Variants in DLG2 observed in about 807,000 individuals in gnomAD.
DLG2 encodes discs large MAGUK scaffold protein 2.
DLG2 carries 45 observed loss-of-function variants against 132.5 expected under a neutral mutation model. That is an observed-to-expected ratio of 0.34 (90% CI 0.27 to 0.44). DLG2 has a LOEUF of 0.44. Ranked by LOEUF, DLG2 falls within the 20% of genes least tolerant of loss-of-function variation. DLG2 has a pLI of 1.00. For synonymous variants in DLG2, 424 were observed against 419.6 expected, an observed-to-expected ratio of 1.01 and a Z score of -0.13; for missense variants, 1,045 against 1,196.9, an observed-to-expected ratio of 0.87 and a Z score of 1.87.
At chr11:83,872,668 C>A (rs1450763348) in intron 16 of DLG2, among the ~76,000 whole-genome samples, 1 of 152,058 alleles carries the variant, frequency 6.6e-6, no homozygotes, top group East Asian at 1.9e-4. Context: ...ATTCTTAGGG[C>A]AAATTGCTAA....
intron 12 of DLG2, among the ~76,000 whole-genome samples, chr11:83,971,382 A>T (rs909535345): frequency 1.3e-5 from 2 of 152,166 alleles, no homozygotes; most frequent in Non-Finnish European, 2.9e-5. Flanking sequence ...CATGATGCAG[A>T]CAAAGGAAGG....
At chr11:84,981,227 A>G (rs1354049874) in intron 6 of DLG2, among the ~76,000 whole-genome samples, 1 of 152,250 alleles carries the variant, frequency 6.6e-6, no homozygotes, top group Non-Finnish European at 1.5e-5. Flanking sequence ...TAGAATAAAT[A>G]TATTTTGAGA....
intron 15 of DLG2, among the ~76,000 whole-genome samples, chr11:83,900,169 T>C (rs2073021080): frequency 6.6e-6 from 1 of 152,200 alleles, no homozygotes; most frequent in Non-Finnish European, 1.5e-5. Context: ...CAGCAAAGCA[T>C]TCAACAGGTG....
intron 18 of DLG2, among the ~76,000 whole-genome samples, chr11:83,642,662 T>G (rs1476430570): frequency 6.6e-6 from 1 of 152,204 alleles, no homozygotes; most frequent in East Asian, 1.9e-4. Context: ...TCAGACTTAT[T>G]GCAAAATGGA....
intron 3 of DLG2, among the ~76,000 whole-genome samples, chr11:85,519,835 T>G (rs1292787375): frequency 6.6e-6 from 1 of 152,054 alleles, no homozygotes; most frequent in Non-Finnish European, 1.5e-5. Flanking sequence ...TGAGACCTGA[T>G]GGTTATTATA....
intron 3 of DLG2, among the ~76,000 whole-genome samples, chr11:85,491,190 A>T (rs960082647): frequency 6.6e-6 from 1 of 152,154 alleles, no homozygotes; most frequent in African/African-American, 2.4e-5. Context: ...ATTTCAATAG[A>T]TATAGAAAAG....
chr11:83,541,606 C>A, intron 20 of DLG2, 76 bp downstream of exon 20: 1 of 1,289,274 alleles, frequency 7.8e-7, no homozygotes, highest in South Asian at 1.8e-5. Flanking sequence ...AACAGTTTCT[C>A]CCACCTTCTT....
At chr11:85,535,292 A>G (rs2075506501) in intron 3 of DLG2, among the ~76,000 whole-genome samples, 1 of 152,134 alleles carries the variant, frequency 6.6e-6, no homozygotes. Flanking sequence ...GGTATTATAA[A>G]TATTACAGTA....
chr11:84,486,560 T>C (rs2099151384), intron 7 of DLG2, among the ~76,000 whole-genome samples: 1 of 152,136 alleles, frequency 6.6e-6, no homozygotes, highest in African/African-American at 2.4e-5. Flanking sequence ...GACAAGATGA[T>C]TTCCTTCTAT....
chr11:84,490,419 G>T (rs966770107), intron 7 of DLG2, among the ~76,000 whole-genome samples: 3 of 152,010 alleles, frequency 2.0e-5, no homozygotes, highest in Non-Finnish European at 4.4e-5. Context: ...AAGTACCAAG[G>T]TCTGGACAGC....
At chr11:83,644,692 A>G (rs2067603758) in intron 18 of DLG2, among the ~76,000 whole-genome samples, 1 of 152,128 alleles carries the variant, frequency 6.6e-6, no homozygotes, top group Non-Finnish European at 1.5e-5. Flanking sequence ...TAACAATTTC[A>G]TGCTCAGTTT....
At chr11:85,084,246 T>C (rs2067613637) in intron 6 of DLG2, among the ~76,000 whole-genome samples, 1 of 152,106 alleles carries the variant, frequency 6.6e-6, no homozygotes, top group East Asian at 1.9e-4. Context: ...AGCAATGTTC[T>C]TATGTAGGAA....
rs1016820420 is a variant in DLG2 at position 84,690,502 on chromosome 11, A to G, written c.358-155771T>C. On this transcript the variant is annotated intron_variant, in intron 6 of 27. Transcript: ENST00000376104. ...CACTATGGCCATCCCTCCATCCCTT[A>G]TCCCTTCTCTCATTGAAAACAATGT... Among the ~76,000 whole-genome samples the G allele has an allele frequency of 8.6e-4, 131 of 151,888 alleles. 1 individual carries two copies. Among genetic ancestry groups the G allele is most frequent in the Non-Finnish European group, 4.1e-4 (28 of 67,870 alleles).
chr11:84,093,033 C>CAAA (rs562763060), intron 10 of DLG2, among the ~76,000 whole-genome samples: 3 of 87,600 alleles, frequency 3.4e-5, no homozygotes, highest in African/African-American at 7.5e-5. Context: ...GAGTCTCCGT[C>CAAA]AAAAAAAAAA....
intron 8 of DLG2, among the ~76,000 whole-genome samples, chr11:84,173,730 A>G (rs2095874295): frequency 6.6e-6 from 1 of 152,164 alleles, no homozygotes; most frequent in African/African-American, 2.4e-5. Context: ...CAAAAGTTGA[A>G]CCCAAAATAA....
chr11:85,386,952 T>C (rs902321849), intron 3 of DLG2, among the ~76,000 whole-genome samples: 8 of 151,398 alleles, frequency 5.3e-5, no homozygotes, highest in African/African-American at 2.4e-5. Context: ...TGGAGTGCAA[T>C]GGTGTGCTCT....
rs560298306 is a variant in DLG2, at chr11:85,415,764, T to C, written c.41-130399A>G. 3.3e-5 allele frequency among the ~76,000 whole-genome samples: 5 copies of C among 152,314 alleles called. No homozygotes were observed. The South Asian group carries it at 1.0e-3, about 32-fold the overall frequency. ...TTCTGGATATTAGCCCTTTGTCAGA[T>C]GGATAGACTGCAAAAATTTTCTCCC... On this transcript the variant is annotated intron_variant, in intron 3 of 27. Transcript: ENST00000376104.
At chr11:83,505,987 T>C (rs1221683541) in intron 21 of DLG2, among the ~76,000 whole-genome samples, 1 of 152,164 alleles carries the variant, frequency 6.6e-6, no homozygotes, top group Non-Finnish European at 1.5e-5. Context: ...TCATGTAACT[T>C]ACTTGTGCCT....
intron 10 of DLG2, among the ~76,000 whole-genome samples, chr11:84,064,218 TAGTA>T (rs2154136497): frequency 6.6e-6 from 1 of 152,300 alleles, no homozygotes; most frequent in East Asian, 1.9e-4. Flanking sequence ...CATCAAGTCA[TAGTA>T]AGTGTTAAAA....
Sources: gnomAD v4.1 joint callset for allele counts (sites outside exome capture counted in the v4.1 genomes callset) on GRCh38, gnomAD v4.1.1 for gene constraint, MANE v1.5 for transcripts, NCBI Gene and HGNC (gene_info 2026-07-23, HGNC 2026-07-21) for gene names.